Variants in FMNL3 observed in about 807,000 individuals in gnomAD.
The protein encoded by FMNL3 is formin-like protein 3.
A neutral mutation model predicts 119.6 loss-of-function variants in FMNL3; 57 were observed. The ratio of observed to expected loss-of-function variants is 0.48; its 90% CI spans 0.39 to 0.59. The LOEUF (loss-of-function observed/expected upper bound fraction) is 0.59, where lower values mean the gene tolerates loss of function less well. FMNL3 is among the 20% of genes least tolerant of loss of function. The probability of loss-of-function intolerance (pLI) is 0.00; values close to 1 mark genes in which losing one functional copy is unlikely to be tolerated. For missense variants in FMNL3, 1,053 were observed against 1,323.5 expected (o/e 0.80, Z 3.17); for synonymous variants, 491 against 507.3 (o/e 0.97, Z 0.43).
intron 5 of FMNL3, among the ~76,000 whole-genome samples, chr12:49,658,891 G>C (rs1289597711): frequency 6.6e-6 from 1 of 152,290 alleles, no homozygotes; most frequent in African/African-American, 2.4e-5. Flanking sequence ...ATTCCAGAAG[G>C]AGTGTCCTCC....
At chr12:49,662,441 T>C (rs1276166643) in intron 4 of FMNL3, among the ~76,000 whole-genome samples, 3 of 152,178 alleles carry the variant, frequency 2.0e-5, no homozygotes, top group Non-Finnish European at 4.4e-5. Context: ...TGCAGAGTTG[T>C]GCTTGACCGA....
chr12:49,660,054 C>G, intron 5 of FMNL3: 1 of 695,828 alleles, frequency 1.4e-6, no homozygotes. Flanking sequence ...TTTAATGGGG[C>G]TCTCAAGTAG....
At position 49,641,776 on chromosome 12, in the gene FMNL3, T is replaced by C. The variant is rs1396829599; in HGVS notation, c.*4039A>G. 2.0e-5 allele frequency: 14 copies of C among 696,624 alleles called. No homozygotes were observed. The East Asian group carries it at 2.9e-4, about 14-fold the overall frequency. 43.2% of individuals were successfully genotyped at this position (696,624 alleles called of 1,614,324 possible). On this transcript the variant is annotated 3_prime_UTR_variant, in exon 26 of 26. Coordinates refer to ENST00000335154, the MANE Select transcript of FMNL3 (RefSeq NM_175736.5). ...AGGACTTGGATAACTTGGTTTCTAA[T>C]GCAGACCACAGTCCTGTGGATCTCT...
chr12:49,690,338 T>C (rs973620996), intron 1 of FMNL3, among the ~76,000 whole-genome samples: 2 of 152,000 alleles, frequency 1.3e-5, no homozygotes, highest in African/African-American at 4.8e-5. Flanking sequence ...GAAAAGAAAA[T>C]GGAATGAACA....
Position 49,647,951 on chromosome 12 carries a change from T to C in FMNL3, c.2677-147A>G. ...AGGCCCCTGTGAGCTGGAGGGAACC[T>C]GGGGCTCCCAAAGCTCCTGAGTATG... On this transcript the variant is annotated intron_variant, in intron 22 of 25. Coordinates refer to ENST00000335154, the MANE Select transcript of FMNL3 (RefSeq NM_175736.5). The surrounding 1 kb of genome is among the most constrained non-coding windows in gnomAD (Gnocchi z 4.9). 1.3e-6 allele frequency: 1 copy of C among 794,062 alleles called. No individual in the cohort carries two copies. Among genetic ancestry groups the C allele is most frequent in the South Asian group, 1.9e-5 (1 of 53,822 alleles). 49.2% of individuals were successfully genotyped at this position (794,062 alleles called of 1,614,324 possible). A position where few individuals can be genotyped will look rare whatever the true frequency, so the allele number is the denominator to read the frequency against.
In FMNL3 at chr12:49,643,784, C is replaced by A. The variant is rs1328093469; in HGVS notation, c.*2031G>T. 1 of 1,613,444 alleles carries A rather than the reference C, an allele frequency of 6.2e-7. No individual in the cohort carries two copies. Among genetic ancestry groups the A allele is most frequent in the Non-Finnish European group, 8.5e-7 (1 of 1,179,836 alleles). ...GAAGGAACTTCTACCTAAGCCCCTG[C>A]TATTTTGTGAGTTCTGTTCTACCTG... is the stretch of plus-strand genomic sequence containing the variant. On this transcript the variant is annotated 3_prime_UTR_variant, in exon 26 of 26. Coordinates refer to ENST00000335154, the MANE Select transcript of FMNL3 (RefSeq NM_175736.5).
At chr12:49,658,660 G>C in intron 5 of FMNL3, 66 bp from the exon 6 acceptor site, 1 of 1,482,802 alleles carries the variant, frequency 6.7e-7, no homozygotes, top group Non-Finnish European at 9.0e-7. Flanking sequence ...CAGTGCCAAG[G>C]CCCCCCGTGA....
Position 49,652,231 on chromosome 12 carries a change from C to A in FMNL3, c.1324-19G>T. On this transcript the variant is annotated intron_variant, in intron 13 of 25. Coordinates refer to ENST00000335154, the MANE Select transcript of FMNL3 (RefSeq NM_175736.5). ...ATGTCTCCTGGCAGGCAGACAGCAC[C>A]ATTAAGGGAAAAGTGGGCTGAAGGC... 6.2e-7 allele frequency: 1 copy of A among 1,606,864 alleles called. No individual in the cohort carries two copies. The highest frequency in any genetic ancestry group is 8.5e-7 in the Non-Finnish European group (1 of 1,176,642).
intron 12 of FMNL3, 56 bp downstream of exon 12, chr12:49,653,669 T>C (rs576727872): frequency 3.3e-5 from 53 of 1,605,488 alleles, no homozygotes; most frequent in Admixed American, 1.3e-4. Flanking sequence ...TCAGGATTCC[T>C]GGTTACTTGA....
Position 49,657,223 on chromosome 12 carries a change from C to T in FMNL3, c.606-33G>A, listed in dbSNP as rs771504036. On this transcript the variant is annotated intron_variant, in intron 6 of 25. Coordinates refer to ENST00000335154, the MANE Select transcript of FMNL3 (RefSeq NM_175736.5). ...GATGGGCCAGGCAGTCAGGTGGGAG[C>T]TGAGGCTGCCAGTGAAGCATCTAGG... The T allele has an allele frequency of 2.6e-6, 4 of 1,543,646 alleles. No individual in the cohort carries two copies. The South Asian group carries it at 4.5e-5, about 17-fold the overall frequency.
chr12:49,642,870 G>T lies in FMNL3; in HGVS notation c.*2945C>A. 1 of 1,539,376 alleles carries T rather than the reference G, an allele frequency of 6.5e-7. No homozygotes were observed. The highest frequency in any genetic ancestry group is 8.9e-7 in the Non-Finnish European group (1 of 1,129,558). On this transcript the variant is annotated 3_prime_UTR_variant, in exon 26 of 26. Transcript: ENST00000335154. The surrounding 1 kb of genome is among the most constrained non-coding windows in gnomAD (Gnocchi z 5.8). ...AGGCAAAGCCAGATTTTAGGAAGTAGGATCCTTCCTGGGGCTAAGTCTGGT... is the reference window on the plus strand; with the variant it reads ...AGGCAAAGCCAGATTTTAGGAAGTATGATCCTTCCTGGGGCTAAGTCTGGT...
rs1945078874 is a variant in FMNL3 at position 49,707,340 on chromosome 12, G to T, written c.-160C>A. The T allele has an allele frequency of 7.0e-6, 4 of 568,734 alleles. No individual in the cohort carries two copies. The highest frequency in any genetic ancestry group is 7.7e-5 in the South Asian group (2 of 25,876). 35.2% of individuals were successfully genotyped at this position (568,734 alleles called of 1,614,324 possible). On this transcript the variant is annotated 5_prime_UTR_variant, in exon 1 of 26. Coordinates refer to ENST00000335154, the MANE Select transcript of FMNL3 (RefSeq NM_175736.5). The stretch of plus-strand genomic sequence containing the variant: ...GGGGGTTCCCTGGAGTCCCGCTGGC[G>T]GGGGCGCGCGGCGAGGGCGGAGGCA...
chr12:49,638,097 A>C lies in FMNL3; in HGVS notation c.*7718T>G, dbSNP rs987225088. On this transcript the variant is annotated 3_prime_UTR_variant, in exon 26 of 26. Transcript: ENST00000335154. ...AGGAATCTGAAGAACTAACATTTGA[A>C]CTGTGCATTTAGAAATTTGTAGGTG... is the stretch of plus-strand genomic sequence containing the variant. The C allele has an allele frequency of 2.4e-6, 1 of 411,222 alleles. No homozygotes were observed. Among genetic ancestry groups the C allele is most frequent in the Non-Finnish European group, 4.4e-6 (1 of 226,846 alleles). The allele number at this position is 411,222 out of a possible 1,614,324, so 25.5% of individuals were successfully genotyped here.
chr12:49,649,363 C>G lies in FMNL3; in HGVS notation c.2305-24G>C. The G allele has an allele frequency of 6.2e-7, 1 of 1,614,070 alleles. No homozygotes were observed. On this transcript the variant is annotated intron_variant, in intron 19 of 25. Transcript: ENST00000335154. The surrounding 1 kb of genome is among the most constrained non-coding windows in gnomAD (Gnocchi z 5.6). Reference sequence around the variant, plus strand: ...ATCTGTCCAAAGAATGTGTGGGAGGCAGGTCAGGCTCAGGTCCTGAAGGCT... The same window carrying G: ...ATCTGTCCAAAGAATGTGTGGGAGGGAGGTCAGGCTCAGGTCCTGAAGGCT...
At chr12:49,664,913 A>G (rs1943845158) in intron 4 of FMNL3, among the ~76,000 whole-genome samples, 1 of 152,064 alleles carries the variant, frequency 6.6e-6, no homozygotes, top group African/African-American at 2.4e-5. Context: ...CCCTGTCAGG[A>G]AGCCTGGGCA....
chr12:49,663,987 A>T (rs1022046183), intron 4 of FMNL3, among the ~76,000 whole-genome samples: 1 of 152,062 alleles, frequency 6.6e-6, no homozygotes, highest in Non-Finnish European at 1.5e-5. Flanking sequence ...GGTGGCTCAC[A>T]TCTGTAATCC....
chr12:49,662,462 T>C (rs1267926419), intron 4 of FMNL3, among the ~76,000 whole-genome samples: 2 of 151,954 alleles, frequency 1.3e-5, no homozygotes, highest in Non-Finnish European at 2.9e-5. Context: ...AGCCAGCAAG[T>C]CTCCAACTTG....
chr12:49,653,639 C>T (rs1943475703), intron 12 of FMNL3, 86 bp downstream of exon 12: 2 of 1,571,704 alleles, frequency 1.3e-6, no homozygotes, highest in African/African-American at 2.7e-5. Context: ...GGGACTCAAT[C>T]TGGAGGCAAA....
chr12:49,651,152 C>A lies in FMNL3; in HGVS notation c.1797+16G>T. ...TAGCCCTCAACCTTAGCCCTCTGGA[C>A]CCCAGGCCCTGTTACCTCCAAGATC... On this transcript the variant is annotated intron_variant, in intron 16 of 25. Coordinates refer to ENST00000335154, the MANE Select transcript of FMNL3 (RefSeq NM_175736.5). 1 of 1,611,676 alleles carries A rather than the reference C, an allele frequency of 6.2e-7. No homozygotes were observed. The highest frequency in any genetic ancestry group is 8.5e-7 in the Non-Finnish European group (1 of 1,177,894).
Sources: allele counts gnomAD v4.1 joint callset (sites outside exome capture counted in the v4.1 genomes callset), GRCh38; gene constraint gnomAD v4.1.1; non-coding constraint Gnocchi (gnomAD v3.1); transcripts MANE v1.5; gene names NCBI Gene and HGNC (gene_info 2026-07-23, HGNC 2026-07-21).